FBXW12: variants seen among roughly 807,000 people sequenced by gnomAD.
FBXW12 encodes F-box/WD repeat-containing protein 12.
Under a neutral mutation model 55.3 loss-of-function variants are expected in FBXW12, and 43 were observed. The ratio of observed to expected loss-of-function variants is 0.78; its 90% CI spans 0.61 to 1.00. FBXW12 has a LOEUF of 1.00. Among genes scored for constraint, FBXW12 ranks in the 50% least tolerant of loss-of-function variants. The probability of loss-of-function intolerance (pLI) is 0.00; values close to 1 mark genes in which losing one functional copy is unlikely to be tolerated. For missense variants in FBXW12, 524 were observed against 560.5 expected (o/e 0.93, Z 0.66); for synonymous variants, 184 against 203.8 (o/e 0.90, Z 0.83).
chr3:48,387,729 A>T (rs11928020), intron 10 of FBXW12, among the ~76,000 whole-genome samples: 2,580 of 151,944 alleles, frequency 0.017, 49 homozygotes, highest in African/African-American at 0.052. Context: ...TTAATTAATT[A>T]ATTTATTTAT....
At chr3:48,382,548 C>G (rs997605045) in intron 10 of FBXW12, among the ~76,000 whole-genome samples, 4 of 152,134 alleles carry the variant, frequency 2.6e-5, no homozygotes, top group African/African-American at 9.6e-5. Flanking sequence ...ATGGGACTTG[C>G]AATAGATGTT....
At chr3:48,383,371 C>T (rs2036804660) in intron 10 of FBXW12, among the ~76,000 whole-genome samples, 1 of 152,018 alleles carries the variant, frequency 6.6e-6, no homozygotes, top group African/African-American at 2.4e-5. Context: ...ATTTGCCATC[C>T]ACATTATCTT....
At chr3:48,380,602 CA>C (rs1355074260) in intron 7 of FBXW12, 99 bp from the exon 8 acceptor site, 6 of 859,208 alleles carry the variant, frequency 7.0e-6, no homozygotes, top group African/African-American at 5.0e-5. Flanking sequence ...AAGCTTTGGC[CA>C]CAAGATGAGA....
chr3:48,390,903 T>C (rs907385462), intron 10 of FBXW12, among the ~76,000 whole-genome samples: 1 of 152,134 alleles, frequency 6.6e-6, no homozygotes, highest in African/African-American at 2.4e-5. Context: ...GATTTTTGTA[T>C]CCTGAAAACT....
At chr3:48,378,613 C>CTT (rs749717436) in intron 6 of FBXW12, 87 bp downstream of exon 6, 8,718 of 575,692 alleles carry the variant, frequency 0.015, 1 homozygote, top group East Asian at 0.038. Context: ...TGTCCTATCC[C>CTT]TTTTTTTTTT....
chr3:48,377,697 T>G lies in FBXW12; in HGVS notation c.406-620T>G, dbSNP rs371400077. 3.9e-5 allele frequency among the ~76,000 whole-genome samples: 6 copies of G among 152,366 alleles called. No homozygotes were observed. In the East Asian group the frequency reaches 9.6e-4, roughly 24 times the overall value. On this transcript the variant is annotated intron_variant, in intron 5 of 10. Transcript: ENST00000296438. ...AATCAAAATAATGATTACATTTGGG[T>G]GCGGAGAGCCATGGGGGAGTTGTTA...
At position 48,382,670 on chromosome 3, in the gene FBXW12, C is replaced by T. The variant is rs117285953; in HGVS notation, c.1295+585C>T. On this transcript the variant is annotated intron_variant, in intron 10 of 10. Transcript: ENST00000296438. ...GTACCTTTTGTGAGTTCATTAGCCA[C>T]TTGCTTGCTGCTTCAGTGAGCTGCC... Among the ~76,000 whole-genome samples the T allele has an allele frequency of 9.2e-5, 14 of 152,256 alleles. 1 individual carries two copies. The East Asian group carries it at 2.7e-3, about 29-fold the overall frequency.
intron 6 of FBXW12, 25 bp from the exon 7 acceptor site, chr3:48,379,374 AT>A: frequency 1.2e-6 from 2 of 1,611,852 alleles, no homozygotes; most frequent in Non-Finnish European, 1.7e-6. Context: ...CTTCCTATTG[AT>A]ATGGTGGGGA....
intron 7 of FBXW12, chr3:48,379,767 C>A: frequency 3.8e-6 from 2 of 527,072 alleles, no homozygotes; most frequent in Non-Finnish European, 3.4e-6. Flanking sequence ...AACAAAAACT[C>A]GTTCATGAAG....
chr3:48,392,158 A>G (rs2036937652), intron 10 of FBXW12, among the ~76,000 whole-genome samples: 1 of 152,168 alleles, frequency 6.6e-6, no homozygotes, highest in Admixed American at 6.5e-5. Flanking sequence ...CTGGGGATAC[A>G]AACACAAGAA....
chr3:48,375,372 C>T lies in FBXW12; in HGVS notation c.305C>T (p.Ala102Val). ...TKNIAFETEL[A>V]YLSGNRLTVD... ...CTTCTAGCATTTGAGACGGAGTTGG[C>T]TTATCTCTCAGGAAATAGACTTACA... The change falls in exon 5 of 11, where the codon GCT becomes GTT. Residue 102 changes from alanine to valine, a missense_variant. Physicochemically the swap from Ala to Val is moderately conservative, Grantham distance 64. Transcript: ENST00000296438. 1 of 1,610,446 alleles carries T rather than the reference C, an allele frequency of 6.2e-7. No homozygotes were observed.
At chr3:48,381,014 G>C in intron 8 of FBXW12, 102 bp downstream of exon 8, 1 of 860,180 alleles carries the variant, frequency 1.2e-6, no homozygotes, top group Non-Finnish European at 1.8e-6. Flanking sequence ...GTGAGCAGGG[G>C]ATTTCTAGTT....
chr3:48,381,800 C>T lies in FBXW12; in HGVS notation c.1086C>T (p.Tyr362=), dbSNP rs1353318413. The T allele has an allele frequency of 6.2e-7, 1 of 1,612,384 alleles. No individual in the cohort carries two copies. Among genetic ancestry groups the T allele is most frequent in the Admixed American group, 1.7e-5 (1 of 59,914 alleles). The change falls in exon 9 of 11, where the codon TAC becomes TAT. Residue 362 remains tyrosine (Y), a synonymous_variant. Transcript: ENST00000296438. ...GYMIVFTSGP[Y]LLLFSITGFL... ...TGATTGTCTTTACCAGTGGACCATA[C>T]TTGTTACTCTTCAGCATCACTGGCT...
chr3:48,377,215 G>A (rs969915578), intron 5 of FBXW12, among the ~76,000 whole-genome samples: 4 of 152,214 alleles, frequency 2.6e-5, no homozygotes, highest in African/African-American at 9.6e-5. Flanking sequence ...TTTGCCCCAT[G>A]ATAATCACGA....
At chr3:48,390,474 G>A (rs1316951864) in intron 10 of FBXW12, among the ~76,000 whole-genome samples, 3 of 136,420 alleles carry the variant, frequency 2.2e-5, no homozygotes, top group Non-Finnish European at 4.5e-5. Flanking sequence ...GAGTGCAGTG[G>A]TACAATCTTG....
chr3:48,394,502 C>A, intron 10 of FBXW12, 58 bp from the exon 11 acceptor site: 1 of 967,414 alleles, frequency 1.0e-6, no homozygotes, highest in Non-Finnish European at 1.6e-6. Flanking sequence ...TCAGTATTAA[C>A]AATGGATGTA....
At chr3:48,382,263 T>C (rs912319218) in intron 10 of FBXW12, among the ~76,000 whole-genome samples, 178 bp downstream of exon 10, 1 of 152,056 alleles carries the variant, frequency 6.6e-6, no homozygotes, top group Non-Finnish European at 1.5e-5. Flanking sequence ...ATTACAGGCA[T>C]GTGCCACCAC....
chr3:48,373,008 G>A, intron 2 of FBXW12, 151 bp downstream of exon 2: 2 of 834,212 alleles, frequency 2.4e-6, no homozygotes, highest in South Asian at 3.1e-5. Context: ...TAAACGAAAA[G>A]GACAAGCTGA....
chr3:48,373,717 G>GT lies in FBXW12; in HGVS notation c.286+12_286+13insT. ...AACTAAGAACATCGGTATGGGTATA[G>GT]GTGCCCTAGAGGAACATGAGCAGCT... On this transcript the variant is annotated intron_variant, in intron 4 of 10. Transcript: ENST00000296438. 6.2e-7 allele frequency: 1 copy of GT among 1,607,960 alleles called. No homozygotes were observed. The highest frequency in any genetic ancestry group is 8.5e-7 in the Non-Finnish European group (1 of 1,175,158).
Sources: gnomAD v4.1 joint callset for allele counts (sites outside exome capture counted in the v4.1 genomes callset) on GRCh38, gnomAD v4.1.1 for gene constraint, MANE v1.5 for transcripts, NCBI Gene and HGNC (gene_info 2026-07-23, HGNC 2026-07-21) for gene names.